SEMA5A: variants seen among roughly 807,000 people sequenced by gnomAD.
SEMA5A encodes the protein semaphorin 5A.
SEMA5A carries 55 observed loss-of-function variants against 135.5 expected under a neutral mutation model. The observed-to-expected ratio is 0.41, with a 90% confidence interval of 0.33 to 0.51. The LOEUF (loss-of-function observed/expected upper bound fraction) is 0.51. Ranked by LOEUF, SEMA5A falls within the 20% of genes least tolerant of loss-of-function variation. SEMA5A has a pLI of 0.37. For missense variants in SEMA5A, 1,290 were observed against 1,419.9 expected (o/e 0.91, Z 1.47); for synonymous variants, 580 against 546.5 (o/e 1.06, Z -0.85).
intron 3 of SEMA5A, among the ~76,000 whole-genome samples, chr5:9,353,337 T>A (rs10454956): frequency 4.3e-4 from 24 of 55,340 alleles, no homozygotes; most frequent in African/African-American, 9.7e-4. Context: ...GGAAAGGAAA[T>A]GAAAGGAAAG....
intron 5 of SEMA5A, among the ~76,000 whole-genome samples, chr5:9,312,777 T>C (rs898029181): frequency 6.6e-6 from 1 of 152,304 alleles, no homozygotes; most frequent in Non-Finnish European, 1.5e-5. Context: ...CGATTTGAAG[T>C]ACTGTTGACT....
At chr5:9,364,096 C>A (rs1415951064) in intron 3 of SEMA5A, among the ~76,000 whole-genome samples, 1 of 152,028 alleles carries the variant, frequency 6.6e-6, no homozygotes, top group African/African-American at 2.4e-5. Context: ...TATAATCTTC[C>A]CACTCTTTCT....
intron 2 of SEMA5A, among the ~76,000 whole-genome samples, chr5:9,381,412 C>T (rs1210010340): frequency 6.6e-6 from 1 of 152,206 alleles, no homozygotes; most frequent in African/African-American, 2.4e-5. Flanking sequence ...GATCTATGTT[C>T]TCCACCTGGA....
At chr5:9,322,183 T>G (rs1435687286) in intron 4 of SEMA5A, among the ~76,000 whole-genome samples, 3 of 152,332 alleles carry the variant, frequency 2.0e-5, no homozygotes, top group Non-Finnish European at 4.4e-5. Context: ...ATAACTCTTC[T>G]GATCATTATT....
chr5:9,046,194 C>T (rs1349424153), intron 21 of SEMA5A, among the ~76,000 whole-genome samples: 1 of 152,212 alleles, frequency 6.6e-6, no homozygotes, highest in South Asian at 2.1e-4. Flanking sequence ...GTCTCCTCCA[C>T]ACACCACCAG....
Position 9,051,915 on chromosome 5 carries a change from T to A in SEMA5A, c.2803A>T (p.Thr935Ser). The change falls in exon 20 of 23, where the codon ACG (threonine) becomes TCG (serine). Residue 935 changes from threonine (T) to serine (S), a missense_variant. Transcript: ENST00000382496. ...PMGSQCSGNT[T>S]ESRPCVFDSN... Reference sequence around the variant, plus strand: ...TCAAACACACACGGCCGGCTCTCCGTGGTGTTCCCGGAGCACTGGCTGCCC... The same window carrying A: ...TCAAACACACACGGCCGGCTCTCCGAGGTGTTCCCGGAGCACTGGCTGCCC... The A allele has an allele frequency of 6.2e-7, 1 of 1,614,130 alleles. No homozygotes were observed. The highest frequency in any genetic ancestry group is 8.5e-7 in the Non-Finnish European group (1 of 1,180,034).
chr5:9,375,112 C>A (rs947763311), intron 3 of SEMA5A, among the ~76,000 whole-genome samples: 2 of 152,052 alleles, frequency 1.3e-5, no homozygotes, highest in Admixed American at 1.3e-4. Flanking sequence ...TCATCTAGTC[C>A]CTAACCTTTG....
intron 5 of SEMA5A, among the ~76,000 whole-genome samples, chr5:9,306,199 G>A (rs1751862200): frequency 6.6e-6 from 1 of 152,158 alleles, no homozygotes; most frequent in African/African-American, 2.4e-5. Context: ...CTTTGGAAAA[G>A]TTTCAGTGAT....
At chr5:9,449,326 C>A (rs62341283) in intron 1 of SEMA5A, among the ~76,000 whole-genome samples, 15,066 of 152,078 alleles carry the variant, frequency 0.099, 785 homozygotes, top group Middle Eastern at 0.13. Flanking sequence ...AACAGAAAAC[C>A]AAACACCACA....
intron 16 of SEMA5A, among the ~76,000 whole-genome samples, chr5:9,070,973 T>G (rs1737738781): frequency 6.6e-6 from 1 of 152,166 alleles, no homozygotes; most frequent in Admixed American, 6.5e-5. Flanking sequence ...CTGCTGTAAC[T>G]ATCCAAATGT....
At chr5:9,104,802 G>A (rs1385328104) in intron 16 of SEMA5A, among the ~76,000 whole-genome samples, 3 of 152,188 alleles carry the variant, frequency 2.0e-5, no homozygotes, top group African/African-American at 7.2e-5. Flanking sequence ...GCAGCACCAA[G>A]GACCAGAGGA....
intron 2 of SEMA5A, among the ~76,000 whole-genome samples, chr5:9,391,998 T>A (rs905056082): frequency 1.3e-5 from 2 of 152,090 alleles, no homozygotes; most frequent in African/African-American, 4.8e-5. Context: ...CATGCACGCG[T>A]GTGCATGGAA....
chr5:9,292,201 C>T (rs1227318801), intron 5 of SEMA5A, among the ~76,000 whole-genome samples: 3 of 152,172 alleles, frequency 2.0e-5, no homozygotes, highest in African/African-American at 4.8e-5. Flanking sequence ...TGACATCCCA[C>T]GTTTGTAAAT....
chr5:9,310,328 G>T (rs530784741), intron 5 of SEMA5A, among the ~76,000 whole-genome samples: 57 of 152,158 alleles, frequency 3.7e-4, no homozygotes, highest in African/African-American at 1.3e-3. Context: ...CAAATGAATG[G>T]CTATGTTCCA....
At chr5:9,373,345 C>G (rs1425093251) in intron 3 of SEMA5A, among the ~76,000 whole-genome samples, 2 of 152,074 alleles carry the variant, frequency 1.3e-5, no homozygotes, top group African/African-American at 2.4e-5. Context: ...TTTCAATCAT[C>G]TAAGACTACA....
intron 8 of SEMA5A, among the ~76,000 whole-genome samples, chr5:9,205,208 T>A (rs1162446324): frequency 6.6e-6 from 1 of 152,166 alleles, no homozygotes; most frequent in Non-Finnish European, 1.5e-5. Flanking sequence ...CCATGGAGAC[T>A]GGTAAGCAGG....
chr5:9,311,879 T>C (rs12514971), intron 5 of SEMA5A, among the ~76,000 whole-genome samples: 4,108 of 152,218 alleles, frequency 0.027, 82 homozygotes, highest in Admixed American at 0.046. Context: ...GAGAGGCAGG[T>C]GGCAAATTGG....
chr5:9,427,292 C>T (rs1757694430), intron 2 of SEMA5A, among the ~76,000 whole-genome samples: 1 of 151,844 alleles, frequency 6.6e-6, no homozygotes, highest in Admixed American at 6.6e-5. Flanking sequence ...GCCTGGGTAA[C>T]AGAGAAGACT....
chr5:9,147,995 G>T (rs1742434627), intron 12 of SEMA5A, among the ~76,000 whole-genome samples: 1 of 152,176 alleles, frequency 6.6e-6, no homozygotes, highest in African/African-American at 2.4e-5. Context: ...CCAGGCTTTG[G>T]GAGCTTATGT....
Sources: allele counts gnomAD v4.1 joint callset (sites outside exome capture counted in the v4.1 genomes callset), GRCh38; gene constraint gnomAD v4.1.1; transcripts MANE v1.5; gene names NCBI Gene and HGNC (gene_info 2026-07-23, HGNC 2026-07-21).